SUGP2: variants seen among roughly 807,000 people sequenced by gnomAD.
SUGP2 encodes SURP and G-patch domain-containing protein 2.
A neutral mutation model predicts 90.5 loss-of-function variants in SUGP2; 24 were observed. The ratio of observed to expected loss-of-function variants is 0.27; its 90% CI spans 0.19 to 0.37. The LOEUF is 0.37. Ranked by LOEUF, SUGP2 falls within the 10% of genes least tolerant of loss-of-function variation. The probability of loss-of-function intolerance (pLI) is 1.00; values close to 1 mark genes in which losing one functional copy is unlikely to be tolerated. For synonymous variants in SUGP2, 473 were observed against 513.4 expected (o/e 0.92, Z 1.06); for missense variants, 1,233 against 1,363.3 (o/e 0.90, Z 1.51).
chr19:19,033,298 G>T, intron 1 of SUGP2, 139 bp downstream of exon 1: 1 of 1,002,736 alleles, frequency 1.0e-6, no homozygotes, highest in Non-Finnish European at 1.2e-6. Context: ...AGGCCAACCC[G>T]GCGGGGACGC....
At chr19:19,026,285 A>C in intron 2 of SUGP2, 59 bp from the exon 3 acceptor site, 4 of 1,440,230 alleles carry the variant, frequency 2.8e-6, no homozygotes, top group Non-Finnish European at 3.6e-6. Flanking sequence ...TAGACCAGAG[A>C]ATGCAAACAG....
intron 8 of SUGP2, among the ~76,000 whole-genome samples, chr19:18,997,047 A>G (rs972517752): frequency 2.6e-5 from 4 of 152,016 alleles, no homozygotes; most frequent in African/African-American, 4.8e-5. Flanking sequence ...TGAGAAGGGC[A>G]TGCTGAGTGC....
At chr19:19,032,576 T>C (rs1223853209) in intron 1 of SUGP2, among the ~76,000 whole-genome samples, 1 of 152,006 alleles carries the variant, frequency 6.6e-6, no homozygotes, top group Non-Finnish European at 1.5e-5. Context: ...CCAATGACAA[T>C]GAACTAGTGA....
Position 19,004,341 on chromosome 19 carries a change from G to T in SUGP2, c.2756C>A (p.Thr919Asn). The change falls in exon 7 of 11, where the codon ACC becomes AAC. Residue 919 changes from threonine (T) to asparagine (N), a missense_variant. By Grantham distance (65) the Thr-to-Asn change is moderately conservative (BLOSUM62 0). This residue lies in a region of SUGP2 where 540 missense variants were observed against 542.6 expected (regional missense o/e 1.00). Transcript: ENST00000452918. ...PGGAGKSEGSTPADGLPGEAA... is the reference protein window; with the variant it reads ...PGGAGKSEGSNPADGLPGEAA... ...CTCGCCGGGAAGGCCGTCGGCAGGG[G>T]TGCTGCCCTCAGACTTGCCCGCCCC... 6.2e-7 allele frequency: 1 copy of T among 1,613,432 alleles called. No homozygotes were observed. Among genetic ancestry groups the T allele is most frequent in the South Asian group, 1.1e-5 (1 of 91,020 alleles).
intron 4 of SUGP2, among the ~76,000 whole-genome samples, chr19:19,013,013 GCCA>G (rs1210921201): frequency 1.3e-5 from 2 of 151,994 alleles, no homozygotes; most frequent in Non-Finnish European, 2.9e-5. Context: ...ATAGGCACCC[GCCA>G]CCACACCCAG....
intron 4 of SUGP2, among the ~76,000 whole-genome samples, chr19:19,013,012 C>T (rs752750250): frequency 1.5e-4 from 23 of 152,090 alleles, no homozygotes; most frequent in African/African-American, 3.4e-4. Context: ...TATAGGCACC[C>T]GCCACCACAC....
intron 6 of SUGP2, among the ~76,000 whole-genome samples, chr19:19,006,760 A>G (rs931305425): frequency 9.2e-5 from 14 of 152,172 alleles, no homozygotes. Context: ...GTAAAAGGCA[A>G]AACCTGACTG....
rs2058543350 is a variant in SUGP2 at position 19,017,472 on chromosome 19, C to A, written c.1850+1637G>T. Among the ~76,000 whole-genome samples, 3 of 152,320 alleles carry A rather than the reference C, an allele frequency of 2.0e-5. No individual in the cohort carries two copies. The South Asian group carries it at 6.2e-4, about 32-fold the overall frequency. On this transcript the variant is annotated intron_variant, in intron 4 of 10. Transcript: ENST00000452918. ...CCAACCCTAATACAGAATGATCCAG[C>A]CTCAGTGCTGCAGCTGAGGCTGGGC...
Position 19,001,628 on chromosome 19 carries a change from G to C in SUGP2, c.2976C>G (p.Pro992=), listed in dbSNP as rs1407359546. Residue 992 remains proline (P), a synonymous_variant, in exon 8 of 11, where the codon CCC becomes CCG. Transcript: ENST00000452918. ...TTACGCTCACCTTCTTTTTGGACATGGGACGACCCCGAGGCCTGTCATAGG... is the reference window on the plus strand; with the variant it reads ...TTACGCTCACCTTCTTTTTGGACATCGGACGACCCCGAGGCCTGTCATAGG... ...RIAYDRPRGR[P]MSKKKKPKDL... The C allele has an allele frequency of 3.1e-6, 5 of 1,614,216 alleles. No homozygotes were observed. Among genetic ancestry groups the C allele is most frequent in the Non-Finnish European group, 4.2e-6 (5 of 1,180,034 alleles).
In SUGP2 at chr19:19,004,409, GTCC is replaced by G. The variant is rs1644403014; in HGVS notation, c.2685_2687del (p.Glu895del). Reference sequence around the variant, plus strand: ...CCTCTCCCCCATCCTCATCGTCCTCGTCCTCCTCCTCAGGCATCACCTCTGGGC... The same window carrying G: ...CCTCTCCCCCATCCTCATCGTCCTCGTCCTCCTCAGGCATCACCTCTGGGC... On this transcript the variant is annotated inframe_deletion, in exon 7 of 11. Coordinates refer to ENST00000452918, the MANE Select transcript of SUGP2 (RefSeq NM_001017392.5). The G allele has an allele frequency of 1.2e-6, 2 of 1,614,064 alleles. No homozygotes were observed. The highest frequency in any genetic ancestry group is 8.5e-7 in the Non-Finnish European group (1 of 1,180,006).
At chr19:19,023,290 G>A (rs1345516449) in intron 3 of SUGP2, among the ~76,000 whole-genome samples, 3 of 152,136 alleles carry the variant, frequency 2.0e-5, no homozygotes, top group Non-Finnish European at 4.4e-5. Flanking sequence ...CTCCTGTGTC[G>A]CTTTAATTCT....
At chr19:18,997,949 A>G (rs536276857) in intron 8 of SUGP2, among the ~76,000 whole-genome samples, 69 of 152,276 alleles carry the variant, frequency 4.5e-4, no homozygotes, top group Admixed American at 3.8e-3. Flanking sequence ...TTGCCAAAGA[A>G]GAACACAAGG....
chr19:19,023,363 C>G (rs1385229562), intron 3 of SUGP2, among the ~76,000 whole-genome samples: 1 of 152,156 alleles, frequency 6.6e-6, no homozygotes, highest in East Asian at 1.9e-4. Context: ...CTAGCCCAGG[C>G]TGGAGTGCGG....
intron 4 of SUGP2, among the ~76,000 whole-genome samples, chr19:19,017,325 G>A (rs1403374708): frequency 6.6e-6 from 1 of 152,214 alleles, no homozygotes; most frequent in Non-Finnish European, 1.5e-5. Context: ...TGCCTGCCAT[G>A]GGACACCAGG....
Position 19,009,887 on chromosome 19 carries a change from G to A in SUGP2, c.2306C>T (p.Pro769Leu). ...AGATGGGCAGGGAGAAGAGGTCTGAGGTGCTTCAGAGATGTCCACTCCTGC... is the reference window on the plus strand; with the variant it reads ...AGATGGGCAGGGAGAAGAGGTCTGAAGTGCTTCAGAGATGTCCACTCCTGC... Reference protein sequence around the residue: ...KPAGVDISEAPQTSSPCPSAD... With the variant: ...KPAGVDISEALQTSSPCPSAD... The change falls in exon 5 of 11, where the codon CCT (proline) becomes CTT (leucine). Residue 769 changes from proline to leucine, a missense_variant. Physicochemically the swap from Pro to Leu is moderately conservative, Grantham distance 98. Transcript: ENST00000452918. 1 of 1,613,614 alleles carries A rather than the reference G, an allele frequency of 6.2e-7. No homozygotes were observed. The highest frequency in any genetic ancestry group is 8.5e-7 in the Non-Finnish European group (1 of 1,179,664).
intron 3 of SUGP2, among the ~76,000 whole-genome samples, chr19:19,019,835 T>TA (rs113866266): frequency 2.9e-4 from 32 of 111,926 alleles, no homozygotes; most frequent in South Asian, 5.5e-4. Context: ...TTTCTCCAAT[T>TA]AAAAAAAAAA....
chr19:18,995,073 G>A, intron 9 of SUGP2, 71 bp downstream of exon 9: 1 of 1,565,722 alleles, frequency 6.4e-7, no homozygotes, highest in Non-Finnish European at 8.7e-7. Context: ...CTGTGAAGGA[G>A]CCAAGCGGCA....
intron 5 of SUGP2, 120 bp downstream of exon 5, chr19:19,009,735 C>A: frequency 7.6e-7 from 1 of 1,319,980 alleles, no homozygotes; most frequent in South Asian, 1.5e-5. Flanking sequence ...CTGGCCAGGT[C>A]CCTAGAGCTT....
chr19:19,033,399 G>T (rs2059270993), intron 1 of SUGP2, 38 bp downstream of exon 1: 3 of 1,277,478 alleles, frequency 2.3e-6, no homozygotes, highest in Admixed American at 4.1e-5. Flanking sequence ...TCCCACCCCG[G>T]GAGCCACCCA....
Sources: gnomAD v4.1 joint callset for allele counts (sites outside exome capture counted in the v4.1 genomes callset) on GRCh38, gnomAD v4.1.1 for gene constraint, gnomAD v4.1.1 regional missense constraint, MANE v1.5 for transcripts, NCBI Gene and HGNC (gene_info 2026-07-23, HGNC 2026-07-21) for gene names.